Variants in CLMN observed in about 807,000 individuals in gnomAD.
The protein encoded by CLMN is calmin (calponin-like, transmembrane).
Under a neutral mutation model 92.7 loss-of-function variants are expected in CLMN, and 57 were observed. The observed-to-expected ratio is 0.61, with a 90% CI of 0.50 to 0.77. The LOEUF is 0.77. Among genes scored for constraint, CLMN ranks in the 30% least tolerant of loss-of-function variants. The pLI, the probability that CLMN is intolerant of heterozygous loss-of-function variation, is 0.00. For synonymous variants in CLMN, 466 were observed against 470.6 expected (o/e 0.99, Z 0.13); for missense variants, 1,158 against 1,237.5 (o/e 0.94, Z 0.96).
intron 8 of CLMN, among the ~76,000 whole-genome samples, chr14:95,209,059 A>C (rs991628316): frequency 1.3e-5 from 2 of 152,220 alleles, no homozygotes; most frequent in Non-Finnish European, 2.9e-5. Flanking sequence ...CTATGTAACT[A>C]TTAGTTGTTG....
chr14:95,264,453 C>CT (rs1295077716), intron 1 of CLMN, among the ~76,000 whole-genome samples: 3 of 152,184 alleles, frequency 2.0e-5, no homozygotes, highest in Non-Finnish European at 4.4e-5. Context: ...AACATTCAGT[C>CT]TTTAAGCTCA....
In CLMN at chr14:95,204,171, C is replaced by T; in HGVS notation, c.1178G>A (p.Gly393Asp). Residue 393 changes from glycine (G) to aspartate (D), a missense_variant, in exon 9 of 13, where the codon GGT becomes GAT. Gly to Asp is a moderately conservative substitution (Grantham distance 94). Transcript: ENST00000298912. ...TGGCTCACTGATGTCGCTGGTCTTACCTGGGCCCCCTTGCAGGACCTGGTC... is the reference window on the plus strand; with the variant it reads ...TGGCTCACTGATGTCGCTGGTCTTATCTGGGCCCCCTTGCAGGACCTGGTC... ...IIDQVLQGGP[G>D]KTSDISEPSP... 1.9e-6 allele frequency: 3 copies of T among 1,614,090 alleles called. No homozygotes were observed. Among genetic ancestry groups the T allele is most frequent in the African/African-American group, 2.7e-5 (2 of 74,998 alleles).
chr14:95,242,025 T>C (rs1397980287), intron 1 of CLMN, among the ~76,000 whole-genome samples: 10 of 152,196 alleles, frequency 6.6e-5, no homozygotes, highest in Non-Finnish European at 1.5e-5. Context: ...AGGTCGAAGT[T>C]GGATCATTGT....
chr14:95,301,732 C>T (rs1901065765), intron 1 of CLMN, among the ~76,000 whole-genome samples: 1 of 152,242 alleles, frequency 6.6e-6, no homozygotes, highest in Non-Finnish European at 1.5e-5. Flanking sequence ...CCCACCAAGC[C>T]CCACCTACTT....
At chr14:95,230,218 G>A (rs1897840561) in intron 1 of CLMN, 85 bp from the exon 2 acceptor site, 3 of 1,259,516 alleles carry the variant, frequency 2.4e-6, no homozygotes, top group Non-Finnish European at 3.5e-6. Flanking sequence ...GAGATTCTAG[G>A]TGGAGGGCAG....
At chr14:95,204,515 C>T (rs753679205) in intron 8 of CLMN, 52 bp from the exon 9 acceptor site, 72 of 1,442,510 alleles carry the variant, frequency 5.0e-5, no homozygotes, top group East Asian at 3.3e-4. Flanking sequence ...AGAACAACAA[C>T]AAAAAAAAGC....
At chr14:95,280,873 C>T (rs990576762) in intron 1 of CLMN, among the ~76,000 whole-genome samples, 2 of 152,092 alleles carry the variant, frequency 1.3e-5, no homozygotes, top group African/African-American at 4.8e-5. Context: ...TTGTTACATG[C>T]CACGAAAGTA....
chr14:95,244,007 G>A (rs1179462547), intron 1 of CLMN, among the ~76,000 whole-genome samples: 1 of 152,054 alleles, frequency 6.6e-6, no homozygotes, highest in Non-Finnish European at 1.5e-5. Context: ...GTTGTTTAAA[G>A]GCGTGTAGCA....
chr14:95,319,573 C>G (rs1456414065), intron 1 of CLMN, 138 bp downstream of exon 1: 2 of 712,002 alleles, frequency 2.8e-6, no homozygotes, highest in African/African-American at 3.8e-5. Flanking sequence ...CAACCCCAGC[C>G]TCCCACCTCG....
At chr14:95,252,690 A>G (rs1470726372) in intron 1 of CLMN, among the ~76,000 whole-genome samples, 1 of 152,214 alleles carries the variant, frequency 6.6e-6, no homozygotes, top group Non-Finnish European at 1.5e-5. Flanking sequence ...ACACAGTCTC[A>G]GGAGTCCTGG....
At chr14:95,246,625 C>A (rs568026604) in intron 1 of CLMN, among the ~76,000 whole-genome samples, 3 of 152,158 alleles carry the variant, frequency 2.0e-5, no homozygotes, top group Admixed American at 6.5e-5. Context: ...CCCACCACCA[C>A]GCCAGCTAAT....
At chr14:95,262,975 A>G (rs1899318196) in intron 1 of CLMN, among the ~76,000 whole-genome samples, 1 of 152,220 alleles carries the variant, frequency 6.6e-6, no homozygotes, top group Non-Finnish European at 1.5e-5. Context: ...ATGGTCTCAG[A>G]GCACAGCTCT....
At chr14:95,220,537 T>C (rs1662350368) in intron 4 of CLMN, among the ~76,000 whole-genome samples, 1 of 152,214 alleles carries the variant, frequency 6.6e-6, no homozygotes, top group African/African-American at 2.4e-5. Context: ...TGTTCCCACC[T>C]TTTGGCTGTT....
chr14:95,298,160 C>T (rs1900890772), intron 1 of CLMN, among the ~76,000 whole-genome samples: 1 of 152,132 alleles, frequency 6.6e-6, no homozygotes, highest in South Asian at 2.1e-4. Flanking sequence ...CCGGCTGCCA[C>T]CATGGCACCC....
intron 1 of CLMN, among the ~76,000 whole-genome samples, chr14:95,316,982 T>C (rs151052043): frequency 3.9e-4 from 59 of 152,360 alleles, no homozygotes; most frequent in African/African-American, 1.3e-3. Flanking sequence ...TGCGGCTATC[T>C]GTGCTGTAAG....
intron 1 of CLMN, among the ~76,000 whole-genome samples, chr14:95,278,245 T>C (rs1010153908): frequency 6.6e-6 from 1 of 152,242 alleles, no homozygotes; most frequent in Admixed American, 6.5e-5. Context: ...ATCGGGTGCT[T>C]GTCCTGGCTA....
intron 9 of CLMN, among the ~76,000 whole-genome samples, chr14:95,202,080 C>G (rs1896901343): frequency 6.6e-6 from 1 of 152,056 alleles, no homozygotes; most frequent in East Asian, 1.9e-4. Flanking sequence ...GATTTATATT[C>G]CTTTGGGCAT....
At chr14:95,268,224 G>A (rs535472348) in intron 1 of CLMN, among the ~76,000 whole-genome samples, 125 of 152,086 alleles carry the variant, frequency 8.2e-4, no homozygotes, top group African/African-American at 2.4e-3. Flanking sequence ...CAATTGCCCC[G>A]GTTTGATCAT....
chr14:95,237,868 C>T (rs1898109774), intron 1 of CLMN, among the ~76,000 whole-genome samples: 1 of 152,178 alleles, frequency 6.6e-6, no homozygotes, highest in Admixed American at 6.5e-5. Context: ...CTCCTCCTTG[C>T]CCAAGGATTC....
Sources: gnomAD v4.1 joint callset for allele counts (sites outside exome capture counted in the v4.1 genomes callset) on GRCh38, gnomAD v4.1.1 for gene constraint, MANE v1.5 for transcripts, NCBI Gene and HGNC (gene_info 2026-07-23, HGNC 2026-07-21) for gene names.